PKNOX2: variants seen among roughly 807,000 people sequenced by gnomAD.
PKNOX2 encodes PBX/knotted 1 homeobox 2.
PKNOX2 carries 14 observed loss-of-function variants against 53.1 expected under a neutral mutation model. That is an observed-to-expected ratio of 0.26 (90% CI 0.17 to 0.41). The LOEUF (loss-of-function observed/expected upper bound fraction) is 0.41, where lower values mean the gene tolerates loss of function less well. Among genes scored for constraint, PKNOX2 ranks in the 10% least tolerant of loss-of-function variants. PKNOX2 has a pLI of 1.00. For missense variants in PKNOX2, 496 were observed against 602.8 expected, an observed-to-expected ratio of 0.82 and a Z score of 1.85; for synonymous variants, 257 against 242.8, an observed-to-expected ratio of 1.06 and a Z score of -0.54.
chr11:125,346,220 G>A (rs1366310169), intron 3 of PKNOX2, among the ~76,000 whole-genome samples: 1 of 152,088 alleles, frequency 6.6e-6, no homozygotes, highest in East Asian at 1.9e-4. Context: ...GGGCGTCTGG[G>A]CTGAAGGGAT....
chr11:125,282,204 G>C (rs1946604080), intron 2 of PKNOX2, among the ~76,000 whole-genome samples: 1 of 152,256 alleles, frequency 6.6e-6, no homozygotes, highest in Non-Finnish European at 1.5e-5. Context: ...ATAAGCTTTG[G>C]AGTCAAACAA....
rs1234470720 is a variant in PKNOX2, at chr11:125,165,706, G to C, written c.-201+930G>C. On this transcript the variant is annotated intron_variant, in intron 1 of 12. Transcript: ENST00000298282. The surrounding 1 kb of genome is among the most constrained non-coding windows in gnomAD (Gnocchi z 4.5). ...GGTCACCGGCTTTCCATGATTGCTG[G>C]GGATCTTTGGTGAGGCGGGCGTAGG... 2.0e-5 allele frequency among the ~76,000 whole-genome samples: 3 copies of C among 152,218 alleles called. No homozygotes were observed.
At chr11:125,179,621 G>C (rs975038424) in intron 1 of PKNOX2, among the ~76,000 whole-genome samples, 36 of 152,120 alleles carry the variant, frequency 2.4e-4, no homozygotes, top group African/African-American at 8.7e-4. Flanking sequence ...CCTCAGAGGA[G>C]CTTGCGAGAG....
chr11:125,385,295 AC>A (rs1443625819), intron 5 of PKNOX2, among the ~76,000 whole-genome samples: 2 of 152,190 alleles, frequency 1.3e-5, no homozygotes, highest in Non-Finnish European at 2.9e-5. Flanking sequence ...AGTTTATCTG[AC>A]CAAAGAGAAA....
chr11:125,321,893 T>C (rs183175524), intron 2 of PKNOX2, among the ~76,000 whole-genome samples: 129 of 152,322 alleles, frequency 8.5e-4, no homozygotes, highest in African/African-American at 3.1e-3. Context: ...TTCTCATAGA[T>C]GGGAACTTCT....
chr11:125,326,033 C>T (rs968270716), intron 2 of PKNOX2, among the ~76,000 whole-genome samples: 5 of 152,226 alleles, frequency 3.3e-5, no homozygotes, highest in African/African-American at 1.2e-4. Flanking sequence ...AGTAGCAGCT[C>T]CTCTTCATGT....
chr11:125,227,239 T>A (rs1242576392), intron 1 of PKNOX2, among the ~76,000 whole-genome samples: 1 of 152,158 alleles, frequency 6.6e-6, no homozygotes, highest in African/African-American at 2.4e-5. Context: ...AGATGGTGCA[T>A]GTCAGTAATT....
intron 7 of PKNOX2, among the ~76,000 whole-genome samples, chr11:125,400,099 G>A (rs1197383650): frequency 6.6e-6 from 1 of 152,166 alleles, no homozygotes; most frequent in Non-Finnish European, 1.5e-5. Flanking sequence ...GGCTGGCCCT[G>A]GGGTACCCAC....
At chr11:125,271,318 A>G (rs1945773889) in intron 2 of PKNOX2, among the ~76,000 whole-genome samples, 2 of 152,240 alleles carry the variant, frequency 1.3e-5, no homozygotes, top group South Asian at 4.1e-4. Context: ...TAGTAATACC[A>G]GATTTCCATT....
intron 3 of PKNOX2, among the ~76,000 whole-genome samples, chr11:125,344,500 C>G (rs1950871577): frequency 6.6e-6 from 1 of 152,198 alleles, no homozygotes; most frequent in African/African-American, 2.4e-5. Flanking sequence ...GAGATCTGCA[C>G]ATCTCTTAGG....
rs746362105 is a variant in PKNOX2, at chr11:125,351,332, C to G, written c.27C>G (p.Pro9=). Residue 9 remains proline, a synonymous_variant, in exon 4 of 13, where the codon CCC becomes CCG. Transcript: ENST00000298282. ...TGATGCAACATGCCTCCCCAGCCCCCGCTCTGACGATGATGGCCACGCAGA... is the reference window on the plus strand; with the variant it reads ...TGATGCAACATGCCTCCCCAGCCCCGGCTCTGACGATGATGGCCACGCAGA... The part of the protein sequence containing the change: MMQHASPA[P]ALTMMATQNV... 2 of 1,608,570 alleles carry G rather than the reference C, an allele frequency of 1.2e-6. No homozygotes were observed. Among genetic ancestry groups the G allele is most frequent in the Non-Finnish European group, 8.5e-7 (1 of 1,176,532 alleles).
chr11:125,277,332 T>C (rs577087608), intron 2 of PKNOX2, among the ~76,000 whole-genome samples: 2 of 152,310 alleles, frequency 1.3e-5, no homozygotes, highest in Admixed American at 6.5e-5. Context: ...CTTCATGGAT[T>C]TTGGAGTCTC....
intron 1 of PKNOX2, among the ~76,000 whole-genome samples, chr11:125,229,655 G>C (rs774949218): frequency 3.9e-5 from 6 of 152,158 alleles, no homozygotes; most frequent in Non-Finnish European, 8.8e-5. Flanking sequence ...TGTGAGGCTG[G>C]AGACAAGGAG....
intron 1 of PKNOX2, among the ~76,000 whole-genome samples, chr11:125,200,496 C>A (rs634554): frequency 0.7 from 105,798 of 152,074 alleles, 36,912 homozygotes; most frequent in East Asian, 0.76. Flanking sequence ...TAAGGTGTGA[C>A]TCTTGGCCCA....
At chr11:125,312,635 G>A (rs1369283159) in intron 2 of PKNOX2, among the ~76,000 whole-genome samples, 4 of 152,160 alleles carry the variant, frequency 2.6e-5, no homozygotes, top group Admixed American at 6.5e-5. Context: ...GCCACCCCCC[G>A]AGTGTCACGC....
intron 2 of PKNOX2, among the ~76,000 whole-genome samples, chr11:125,241,840 G>A (rs556390628): frequency 2.6e-5 from 4 of 152,190 alleles, no homozygotes; most frequent in Non-Finnish European, 2.9e-5. Context: ...GGGTGACAGA[G>A]CAAGACTTCA....
intron 1 of PKNOX2, among the ~76,000 whole-genome samples, chr11:125,200,944 A>G (rs1938362908): frequency 6.6e-6 from 1 of 152,128 alleles, no homozygotes; most frequent in Non-Finnish European, 1.5e-5. Context: ...CCTTTTGTAC[A>G]CTGCACATCG....
At chr11:125,340,635 A>G (rs548138351) in intron 3 of PKNOX2, among the ~76,000 whole-genome samples, 6 of 152,308 alleles carry the variant, frequency 3.9e-5, no homozygotes, top group Non-Finnish European at 7.3e-5. Flanking sequence ...TATTAATTCT[A>G]TATTATCATC....
chr11:125,330,295 C>A (rs113540990), intron 2 of PKNOX2: 1 of 152,256 alleles, frequency 6.6e-6, no homozygotes, highest in Non-Finnish European at 1.5e-5. Flanking sequence ...GCCGCAGAAC[C>A]GGGAGTCGGT....
Sources: gnomAD v4.1 joint callset for allele counts (sites outside exome capture counted in the v4.1 genomes callset) on GRCh38, gnomAD v4.1.1 for gene constraint, Gnocchi (gnomAD v3.1) non-coding constraint, MANE v1.5 for transcripts, NCBI Gene and HGNC (gene_info 2026-07-23, HGNC 2026-07-21) for gene names.